Variants in PAK3 observed in about 807,000 individuals in gnomAD.
The protein encoded by PAK3 is p21 (RAC1) activated kinase 3.
In PAK3, 4 loss-of-function variants were observed where a neutral mutation model predicts 41.0. The ratio of observed to expected loss-of-function variants is 0.10; its 90% CI spans 0.05 to 0.22. The LOEUF is 0.22. Among genes scored for constraint, PAK3 ranks in the 10% least tolerant of loss-of-function variants. The probability of loss-of-function intolerance (pLI) is 1.00; values close to 1 mark genes in which losing one functional copy is unlikely to be tolerated. For missense variants in PAK3, 205 were observed against 409.9 expected (o/e 0.50, Z 4.32); for synonymous variants, 146 against 139.6 (o/e 1.05, Z -0.32).
chrX:111,066,459 T>C (rs953466984), intron 1 of PAK3, among the ~76,000 whole-genome samples: 2 of 112,292 alleles, frequency 1.8e-5, no homozygotes, highest in African/African-American at 6.5e-5. Context: ...TTTTTAAAAA[T>C]TTATTGACAC....
intron 5 of PAK3, among the ~76,000 whole-genome samples, chrX:111,134,013 C>T (rs1010239144): frequency 2.7e-5 from 3 of 111,759 alleles, no homozygotes; most frequent in Non-Finnish European, 5.7e-5. Flanking sequence ...ATATGACATC[C>T]AGTGAATAGG....
chrX:111,163,460 A>G (rs2094215093), intron 9 of PAK3, 102 bp from the exon 10 acceptor site: 1 of 627,254 alleles, frequency 1.6e-6, no homozygotes, highest in African/African-American at 2.3e-5. Flanking sequence ...TTTTTAAGAA[A>G]ATACCACTTG....
chrX:111,033,651 G>A (rs1230985399), intron 1 of PAK3, among the ~76,000 whole-genome samples: 5 of 111,697 alleles, frequency 4.5e-5, no homozygotes, highest in South Asian at 7.6e-4. Context: ...TGCTACCCAC[G>A]CTTTTTAAAA....
chrX:111,189,455 G>A (rs2094542530), intron 11 of PAK3, among the ~76,000 whole-genome samples: 1 of 111,831 alleles, frequency 8.9e-6, no homozygotes, highest in Non-Finnish European at 1.9e-5. Context: ...TAGGATTGCT[G>A]GGTCAAATGG....
At chrX:111,041,902 GTTGTT>G (rs1256834838) in intron 1 of PAK3, among the ~76,000 whole-genome samples, 1 of 111,668 alleles carries the variant, frequency 9.0e-6, no homozygotes, top group Non-Finnish European at 1.9e-5. Context: ...TGCCTTGTAT[GTTGTT>G]TTATTACTGC....
At chrX:111,017,326 C>T (rs779723158) in intron 1 of PAK3, among the ~76,000 whole-genome samples, 2 of 110,761 alleles carry the variant, frequency 1.8e-5, no homozygotes, top group Admixed American at 1.9e-4. Context: ...AAAAGATCAA[C>T]AAAATTGACA....
intron 11 of PAK3, among the ~76,000 whole-genome samples, chrX:111,177,745 C>A (rs142377090): frequency 0.011 from 1,185 of 111,532 alleles, 13 homozygotes; most frequent in African/African-American, 0.037. Flanking sequence ...TCAATAGCAA[C>A]CCTGTGTAAT....
intron 4 of PAK3, among the ~76,000 whole-genome samples, chrX:111,120,080 C>T (rs1382898355): frequency 8.9e-6 from 1 of 112,285 alleles, no homozygotes; most frequent in Non-Finnish European, 1.9e-5. Context: ...TGGACCTGGA[C>T]ATAGGTTCTT....
chrX:111,094,723 T>C (rs1452152828), upstream of PAK3, among the ~76,000 whole-genome samples: 1 of 100,047 alleles, frequency 1.0e-5, no homozygotes, highest in African/African-American at 3.7e-5. Flanking sequence ...AGTTTTGCTC[T>C]TGTTGCCCAG....
intron 1 of PAK3, among the ~76,000 whole-genome samples, chrX:110,997,771 T>C (rs1248797702): frequency 1.8e-5 from 2 of 111,133 alleles, no homozygotes; most frequent in African/African-American, 6.6e-5. Context: ...GTGATAGTAT[T>C]AGGAGGTGAG....
At chrX:111,168,377 TCA>T (rs1213651049) in intron 10 of PAK3, among the ~76,000 whole-genome samples, 2 of 112,055 alleles carry the variant, frequency 1.8e-5, no homozygotes, top group Non-Finnish European at 3.8e-5. Flanking sequence ...CCCTATTGTG[TCA>T]CAGTGTTTTT....
At chrX:110,992,264 G>T (rs1240655163) in intron 1 of PAK3, among the ~76,000 whole-genome samples, 1 of 111,336 alleles carries the variant, frequency 9.0e-6, no homozygotes, top group African/African-American at 3.3e-5. Context: ...TTATGAAACT[G>T]CCAAGAAGCC....
At chrX:111,149,033 A>G (rs1457820618) in intron 7 of PAK3, among the ~76,000 whole-genome samples, 3 of 111,877 alleles carry the variant, frequency 2.7e-5, no homozygotes, top group Non-Finnish European at 5.6e-5. Context: ...GATACAATAG[A>G]GGTACAGGCA....
At chrX:111,096,909 C>CAA (rs2093008021) in intron 1 of PAK3, among the ~76,000 whole-genome samples, 1 of 109,080 alleles carries the variant, frequency 9.2e-6, no homozygotes, top group Non-Finnish European at 1.9e-5. Flanking sequence ...CACACACACA[C>CAA]ACGAGGAAAG....
intron 1 of PAK3, among the ~76,000 whole-genome samples, chrX:111,050,571 C>T (rs919181132): frequency 3.6e-5 from 4 of 112,167 alleles, no homozygotes; most frequent in Non-Finnish European, 7.5e-5. Flanking sequence ...CACTGCCAAC[C>T]TGTGCCTTGC....
intron 5 of PAK3, among the ~76,000 whole-genome samples, chrX:111,126,094 T>C (rs1362324618): frequency 1.8e-5 from 2 of 111,467 alleles, no homozygotes; most frequent in Admixed American, 9.5e-5. Flanking sequence ...AACTAATGAA[T>C]AGTCCACTTC....
intron 1 of PAK3, among the ~76,000 whole-genome samples, chrX:110,994,531 T>C (rs2091707640): frequency 1.8e-5 from 2 of 111,463 alleles, no homozygotes; most frequent in South Asian, 3.8e-4. Context: ...TTCCTTGTTA[T>C]ACACCCTCAG....
intron 1 of PAK3, among the ~76,000 whole-genome samples, chrX:111,040,838 G>T (rs573456318): frequency 1.5e-4 from 17 of 112,269 alleles, no homozygotes; most frequent in African/African-American, 5.5e-4. Context: ...TAACACTGGC[G>T]GTTTCCTGGG....
chrX:110,995,852 C>T (rs183095581), intron 1 of PAK3, among the ~76,000 whole-genome samples: 3 of 111,647 alleles, frequency 2.7e-5, no homozygotes, highest in Admixed American at 1.9e-4. Flanking sequence ...TGCTTTTAAT[C>T]TTGTTTTGAC....
Sources: allele counts gnomAD v4.1 joint callset (sites outside exome capture counted in the v4.1 genomes callset), GRCh38; gene constraint gnomAD v4.1.1; transcripts MANE v1.5; gene names NCBI Gene and HGNC (gene_info 2026-07-23, HGNC 2026-07-21).